DPF3: variants seen among roughly 807,000 people sequenced by gnomAD.
The protein encoded by DPF3 is zinc finger protein DPF3.
In DPF3, 18 loss-of-function variants were observed where a neutral mutation model predicts 56.8. The observed-to-expected ratio is 0.32, with a 90% CI of 0.22 to 0.47. The LOEUF is 0.47. Among genes scored for constraint, DPF3 ranks in the 20% least tolerant of loss-of-function variants. DPF3 has a pLI of 1.00. For synonymous variants in DPF3, 188 were observed against 180.2 expected, an observed-to-expected ratio of 1.04 and a Z score of -0.35; for missense variants, 403 against 488.8, an observed-to-expected ratio of 0.82 and a Z score of 1.65.
chr14:72,692,132 C>T (rs761355997), intron 7 of DPF3, among the ~76,000 whole-genome samples: 1 of 152,236 alleles, frequency 6.6e-6, no homozygotes, highest in African/African-American at 2.4e-5. Context: ...CACGCATCCT[C>T]TAATCCTAGA....
intron 9 of DPF3, among the ~76,000 whole-genome samples, chr14:72,628,437 G>C (rs1884964220): frequency 6.6e-6 from 1 of 152,036 alleles, no homozygotes; most frequent in African/African-American, 2.4e-5. Context: ...GATTGGGCAA[G>C]TTTATCTTCC....
At chr14:72,842,510 GT>G (rs992424288) in intron 1 of DPF3, among the ~76,000 whole-genome samples, 1 of 152,204 alleles carries the variant, frequency 6.6e-6, no homozygotes, top group African/African-American at 2.4e-5. Context: ...GTTCGATGGG[GT>G]TAGACTCAGA....
chr14:72,697,863 G>T (rs1051606424), intron 6 of DPF3, among the ~76,000 whole-genome samples: 1 of 152,146 alleles, frequency 6.6e-6, no homozygotes, highest in African/African-American at 2.4e-5. Context: ...GACTAACATG[G>T]CCTTCCTGGC....
chr14:72,883,057 G>C (rs904094278), intron 1 of DPF3, among the ~76,000 whole-genome samples: 2 of 152,228 alleles, frequency 1.3e-5, no homozygotes, highest in Non-Finnish European at 2.9e-5. Flanking sequence ...AAGAGGATGA[G>C]AGAGTTCTCG....
At chr14:72,722,299 C>T (rs1038263493) in intron 5 of DPF3, among the ~76,000 whole-genome samples, 6 of 152,206 alleles carry the variant, frequency 3.9e-5, no homozygotes, top group Admixed American at 1.3e-4. Flanking sequence ...ACCAGAAGTG[C>T]ACCATCAGAG....
intron 3 of DPF3, among the ~76,000 whole-genome samples, chr14:72,752,204 A>G (rs1447422307): frequency 6.6e-6 from 1 of 152,106 alleles, no homozygotes; most frequent in Non-Finnish European, 1.5e-5. Context: ...TGTCAACTCT[A>G]CTTGCACCAC....
intron 6 of DPF3, among the ~76,000 whole-genome samples, chr14:72,707,867 C>T (rs375763409): frequency 1.3e-5 from 2 of 150,510 alleles, no homozygotes; most frequent in African/African-American, 4.9e-5. Flanking sequence ...AGTGCAATGG[C>T]GCAAGCTCAG....
intron 1 of DPF3, among the ~76,000 whole-genome samples, chr14:72,849,447 G>T (rs147878687): frequency 2.0e-5 from 3 of 152,126 alleles, no homozygotes; most frequent in Non-Finnish European, 4.4e-5. Flanking sequence ...TTCTGCCCAC[G>T]CTGCTGCCGC....
intron 8 of DPF3, among the ~76,000 whole-genome samples, chr14:72,665,493 A>C (rs546817907): frequency 6.6e-6 from 1 of 152,360 alleles, no homozygotes; most frequent in East Asian, 1.9e-4. Flanking sequence ...GATGTAATGC[A>C]CTGAGAAGGA....
At chr14:72,807,960 G>A (rs1421354913) in intron 1 of DPF3, among the ~76,000 whole-genome samples, 1 of 152,066 alleles carries the variant, frequency 6.6e-6, no homozygotes, top group Non-Finnish European at 1.5e-5. Flanking sequence ...GCAAGAACCT[G>A]TCTCTAAAAC....
intron 1 of DPF3, among the ~76,000 whole-genome samples, chr14:72,890,811 G>A (rs1376728831): frequency 1.3e-5 from 2 of 152,144 alleles, no homozygotes; most frequent in Non-Finnish European, 1.5e-5. Context: ...GCCACCTGCC[G>A]TGTCCCCTTT....
intron 7 of DPF3, among the ~76,000 whole-genome samples, chr14:72,680,875 G>C (rs1352070026): frequency 6.6e-6 from 1 of 152,254 alleles, no homozygotes; most frequent in African/African-American, 2.4e-5. Flanking sequence ...CACGCTAGGT[G>C]ATGTCCTGAG....
chr14:72,816,614 C>T (rs1356116039), intron 1 of DPF3, among the ~76,000 whole-genome samples: 1 of 151,806 alleles, frequency 6.6e-6, no homozygotes, highest in Non-Finnish European at 1.5e-5. Flanking sequence ...ACCTGCCCTG[C>T]CTATCCTGAT....
At chr14:72,849,569 G>A (rs533397722) in intron 1 of DPF3, among the ~76,000 whole-genome samples, 8 of 152,222 alleles carry the variant, frequency 5.3e-5, no homozygotes, top group South Asian at 2.1e-4. Context: ...AGACCTGCCC[G>A]TCTGGCCTGG....
chr14:72,892,060 G>A (rs1248699389), intron 1 of DPF3: 11 of 1,448,196 alleles, frequency 7.6e-6, no homozygotes, highest in East Asian at 7.4e-5. Context: ...GCGAGTAGGG[G>A]AACACAAGCT....
Position 72,610,614 on chromosome 14 carries a change from TG to T in DPF3, c.*8682del, listed in dbSNP as rs55876041. 5.5e-3 allele frequency among the ~76,000 whole-genome samples: 834 copies of T among 152,378 alleles called. 9 individuals carry two copies. Among genetic ancestry groups the T allele is most frequent in the Middle Eastern group, 0.014 (4 of 294 alleles). On this transcript the variant is annotated 3_prime_UTR_variant, in exon 11 of 11. Transcript: ENST00000556509. The stretch of plus-strand genomic sequence containing the variant: ...AGATGACCTGGTTGAGGTCTAGTTC[TG>T]GCTTTTGTGAATCGACCGTGTGACG...
Position 72,711,681 on chromosome 14 carries a change from C to T in DPF3, c.604+2742G>A, listed in dbSNP as rs771538184. Reference sequence around the variant, plus strand: ...TGGGATGTTCAGAAGGTCTCCCAGACGGACAAAGCCCTAATGTGCCTATTC... The same window carrying T: ...TGGGATGTTCAGAAGGTCTCCCAGATGGACAAAGCCCTAATGTGCCTATTC... On this transcript the variant is annotated intron_variant, in intron 6 of 10. Transcript: ENST00000556509. Among the ~76,000 whole-genome samples, 10 of 152,154 alleles carry T rather than the reference C, an allele frequency of 6.6e-5. No individual in the cohort carries two copies. In the South Asian group the frequency reaches 8.3e-4, roughly 13 times the overall value.
chr14:72,662,043 G>A (rs1217113717), intron 8 of DPF3: 7 of 984,896 alleles, frequency 7.1e-6, no homozygotes. Context: ...TGGGGTGAGG[G>A]GGCAATGAGG....
At position 72,670,017 on chromosome 14, in the gene DPF3, T is replaced by A. The variant is rs1005240859; in HGVS notation, c.871+4223A>T. On this transcript the variant is annotated intron_variant, in intron 8 of 10. Transcript: ENST00000556509. ...TCAGTGAGGTGGGTGGCCTTCTCCA[T>A]CGCCCCAGGGGCCTTGAGCAGTGTT... 4.1e-6 allele frequency: 4 copies of A among 985,800 alleles called. No individual in the cohort carries two copies. In the African/African-American group the frequency reaches 7.0e-5, roughly 17 times the overall value. The allele number at this position is 985,800 out of a possible 1,614,324, so 61.1% of individuals were successfully genotyped here.
Sources: allele counts gnomAD v4.1 joint callset (sites outside exome capture counted in the v4.1 genomes callset), GRCh38; gene constraint gnomAD v4.1.1; transcripts MANE v1.5; gene names NCBI Gene and HGNC (gene_info 2026-07-23, HGNC 2026-07-21).